The following NFKBIE variants were observed in gnomAD, a reference collection of about 807,000 sequenced individuals.
NFKBIE encodes the protein NFKB inhibitor epsilon.
Under a neutral mutation model 31.6 loss-of-function variants are expected in NFKBIE, and 11 were observed. The observed-to-expected ratio is 0.35, with a 90% confidence interval of 0.22 to 0.58. The LOEUF is 0.58. Among genes scored for constraint, NFKBIE ranks in the 20% least tolerant of loss-of-function variants. The pLI is 0.83. For synonymous variants in NFKBIE, 208 were observed against 210.1 expected (o/e 0.99, Z 0.09); for missense variants, 354 against 465.7 (o/e 0.76, Z 2.21).
At position 44,258,923 on chromosome 6, in the gene NFKBIE, CAA is replaced by C. The variant is rs1029921149; in HGVS notation, c.*294_*295del. ...TCAGGCTGACCCAACATGGGTAAAA[CAA>C]GAGCACCTGCCATTTTCAAGAGAGG... On this transcript the variant is annotated 3_prime_UTR_variant, in exon 6 of 6. Coordinates refer to ENST00000619360, the MANE Select transcript of NFKBIE (RefSeq NM_004556.3). 6.3e-5 allele frequency: 18 copies of C among 285,102 alleles called. No individual in the cohort carries two copies. Among genetic ancestry groups the C allele is most frequent in the East Asian group, 4.3e-4 (6 of 13,980 alleles). 17.7% of individuals were successfully genotyped at this position (285,102 alleles called of 1,614,324 possible).
In NFKBIE at chr6:44,258,534, T is replaced by C. The variant is rs1781763693; in HGVS notation, c.*685A>G. On this transcript the variant is annotated 3_prime_UTR_variant, in exon 6 of 6. Coordinates refer to ENST00000619360, the MANE Select transcript of NFKBIE (RefSeq NM_004556.3). The stretch of plus-strand genomic sequence containing the variant: ...GACACAGAGAAAGGCCTGGAACTAC[T>C]GGCCTCTGACCCCACCCAGCAAGGC... The C allele has an allele frequency of 6.6e-6, 1 of 152,426 alleles. No individual in the cohort carries two copies. Among genetic ancestry groups the C allele is most frequent in the African/African-American group, 2.4e-5 (1 of 41,452 alleles). The allele number at this position is 152,426 out of a possible 1,614,324, so 9.4% of individuals were successfully genotyped here. A position where few individuals can be genotyped will look rare whatever the true frequency, so the allele number is the denominator to read the frequency against.
In NFKBIE at chr6:44,259,020, T is replaced by C; in HGVS notation, c.*199A>G. 2.1e-6 allele frequency: 1 copy of C among 473,424 alleles called. No homozygotes were observed. The allele number at this position is 473,424 out of a possible 1,614,324, so 29.3% of individuals were successfully genotyped here. A position where few individuals can be genotyped will look rare whatever the true frequency, so the allele number is the denominator to read the frequency against. ...AAGAAGCCCTGTCCACCTGGAAAGC[T>C]CTTCCTTCCAGACTGGCTCTCTTCC... On this transcript the variant is annotated 3_prime_UTR_variant, in exon 6 of 6. Transcript: ENST00000619360.
Position 44,261,664 on chromosome 6 carries a change from G to A in NFKBIE, c.653C>T (p.Thr218Ile). 1 of 1,614,222 alleles carries A rather than the reference G, an allele frequency of 6.2e-7. No individual in the cohort carries two copies. The highest frequency in any genetic ancestry group is 8.5e-7 in the Non-Finnish European group (1 of 1,180,032). ...CAGCTGGAGGTCCAGAGAGTGAGATGTTCCTCTGCCTGGCTCTGGCCGCCC... is the reference window on the plus strand; with the variant it reads ...CAGCTGGAGGTCCAGAGAGTGAGATATTCCTCTGCCTGGCTCTGGCCGCCC... ...LEGRPEPGRGTSHSLDLQLQN... is the reference protein window; with the variant it reads ...LEGRPEPGRGISHSLDLQLQN... Residue 218 changes from threonine (T) to isoleucine (I), a missense_variant, in exon 3 of 6, where the codon ACA (threonine) becomes ATA (isoleucine). This residue lies in a region of NFKBIE where 183 missense variants were observed against 310.6 expected (regional missense o/e 0.59). Transcript: ENST00000619360. This position sits in a 1 kb window ranked among gnomAD's most constrained non-coding sequence, Gnocchi z 4.3.
In NFKBIE at chr6:44,261,762, G is replaced by A; in HGVS notation, c.555C>T (p.Asp185=). ...VLKGASRALQ[D]RHGDTALHVA... ...CATGAAGGGCTGTGTCACCATGCCG[G>A]TCCTGTAGTGCCCGGCTGGCCCCCT... Residue 185 remains aspartate, a synonymous_variant, in exon 3 of 6, where the codon GAC becomes GAT. Transcript: ENST00000619360. This position sits in a 1 kb window ranked among gnomAD's most constrained non-coding sequence, Gnocchi z 4.3. 1 of 1,613,942 alleles carries A rather than the reference G, an allele frequency of 6.2e-7. No homozygotes were observed. Among genetic ancestry groups the A allele is most frequent in the South Asian group, 1.1e-5 (1 of 91,074 alleles).
At chr6:44,262,870 G>A (rs1483558611) in intron 1 of NFKBIE, among the ~76,000 whole-genome samples, 3 of 152,224 alleles carry the variant, frequency 2.0e-5, no homozygotes, top group African/African-American at 7.2e-5. Flanking sequence ...CTGGCCTTCA[G>A]GAGGGCCTTG....
chr6:44,258,484 A>C lies in NFKBIE; in HGVS notation c.*735T>G, dbSNP rs1171550798. On this transcript the variant is annotated 3_prime_UTR_variant, in exon 6 of 6. Transcript: ENST00000619360. ...TGTCCCTCCATCCCTCATCATTTCC[A>C]CAGCAAGGACAAGGGTCTGTGCTGG... 1 of 152,062 alleles carries C rather than the reference A, an allele frequency of 6.6e-6. No individual in the cohort carries two copies. Among genetic ancestry groups the C allele is most frequent in the Non-Finnish European group, 1.5e-5 (1 of 68,130 alleles). 9.4% of individuals were successfully genotyped at this position (152,062 alleles called of 1,614,324 possible). A position where few individuals can be genotyped will look rare whatever the true frequency, so the allele number is the denominator to read the frequency against.
Position 44,260,160 on chromosome 6 carries a change from G to A in NFKBIE, c.903C>T (p.Pro301=). 1.9e-6 allele frequency: 3 copies of A among 1,614,212 alleles called. No homozygotes were observed. The highest frequency in any genetic ancestry group is 1.7e-6 in the Non-Finnish European group (2 of 1,180,036). ...VDARMLNGCT[P]LHLAAGRGLM... ...GACCCCGGCCAGCTGCCAGGTGCAGGGGTGTGCACCCGTTCAGCATGCGGG... is the reference window on the plus strand; with the variant it reads ...GACCCCGGCCAGCTGCCAGGTGCAGAGGTGTGCACCCGTTCAGCATGCGGG... Residue 301 remains proline, a synonymous_variant, in exon 5 of 6, where the codon CCC becomes CCT. Coordinates refer to ENST00000619360, the MANE Select transcript of NFKBIE (RefSeq NM_004556.3). The surrounding 1 kb of genome is among the most constrained non-coding windows in gnomAD (Gnocchi z 5.5).
Position 44,259,746 on chromosome 6 carries a change from A to C in NFKBIE, c.1020+297T>G, listed in dbSNP as rs539309042. On this transcript the variant is annotated intron_variant, in intron 5 of 5. Coordinates refer to ENST00000619360, the MANE Select transcript of NFKBIE (RefSeq NM_004556.3). ...ACTCCTGCTTTGTAAGCCTTTGCTGAAGCTGAGTACAGAGACCCTCAGGGA... is the reference window on the plus strand; with the variant it reads ...ACTCCTGCTTTGTAAGCCTTTGCTGCAGCTGAGTACAGAGACCCTCAGGGA... Among the ~76,000 whole-genome samples the C allele has an allele frequency of 5.3e-5, 8 of 152,352 alleles. No individual in the cohort carries two copies. The South Asian group carries it at 1.7e-3, about 32-fold the overall frequency.
Position 44,265,169 on chromosome 6 carries a change from C to T in NFKBIE, c.178G>A (p.Glu60Lys), listed in dbSNP as rs770890708. 23 of 1,551,774 alleles carry T rather than the reference C, an allele frequency of 1.5e-5. No homozygotes were observed. Among genetic ancestry groups the T allele is most frequent in the Non-Finnish European group, 2.0e-5 (23 of 1,147,058 alleles). ...HPPGPVKEPQ[E>K]KEDADGERAD... is the part of the protein sequence containing the mutation. ...CGCTCCCCATCCGCGTCTTCCTTCT[C>T]CTGTGGTTCCTTGACGGGTCCCGGA... Residue 60 changes from glutamate to lysine, a missense_variant, in exon 1 of 6, where the codon GAG becomes AAG. This residue lies in a region of NFKBIE where 171 missense variants were observed against 155.1 expected (regional missense o/e 1.10). Coordinates refer to ENST00000619360, the MANE Select transcript of NFKBIE (RefSeq NM_004556.3).
chr6:44,261,524 A>T lies in NFKBIE; in HGVS notation c.691+102T>A. The T allele has an allele frequency of 8.4e-7, 1 of 1,195,928 alleles. No homozygotes were observed. Among genetic ancestry groups the T allele is most frequent in the East Asian group, 2.5e-5 (1 of 40,500 alleles). 74.1% of individuals were successfully genotyped at this position (1,195,928 alleles called of 1,614,324 possible). A position where few individuals can be genotyped will look rare whatever the true frequency, so the allele number is the denominator to read the frequency against. ...TGTGCTTACAGTGGGAGGGGCACCAATGGACAAGCTGGGACCCTCCCTTCC... is the reference window on the plus strand; with the variant it reads ...TGTGCTTACAGTGGGAGGGGCACCATTGGACAAGCTGGGACCCTCCCTTCC... On this transcript the variant is annotated intron_variant, in intron 3 of 5. Transcript: ENST00000619360. This position sits in a 1 kb window ranked among gnomAD's most constrained non-coding sequence, Gnocchi z 4.3.
chr6:44,264,173 T>C (rs999369646), intron 1 of NFKBIE, among the ~76,000 whole-genome samples: 5 of 152,160 alleles, frequency 3.3e-5, no homozygotes, highest in Non-Finnish European at 4.4e-5. Flanking sequence ...CATCCCCAGT[T>C]CCCAACCTTT....
rs982428159 is a variant in NFKBIE at position 44,261,026 on chromosome 6, A to G, written c.692-487T>C. On this transcript the variant is annotated intron_variant, in intron 3 of 5. Transcript: ENST00000619360. This position sits in a 1 kb window ranked among gnomAD's most constrained non-coding sequence, Gnocchi z 4.3. The stretch of plus-strand genomic sequence containing the variant: ...TTTTGCTCTCCTTTCTAGTCTGGAC[A>G]CTCCCGACCCTTGCTTAGTAATAGA... Among the ~76,000 whole-genome samples the G allele has an allele frequency of 6.6e-6, 1 of 151,786 alleles. No individual in the cohort carries two copies. Among genetic ancestry groups the G allele is most frequent in the Non-Finnish European group, 1.5e-5 (1 of 67,966 alleles).
chr6:44,265,453 G>T lies in NFKBIE; in HGVS notation c.-107C>A. 1 of 1,507,422 alleles carries T rather than the reference G, an allele frequency of 6.6e-7. No homozygotes were observed. The highest frequency in any genetic ancestry group is 2.6e-5 in the East Asian group (1 of 37,886). 93.4% of individuals were successfully genotyped at this position (1,507,422 alleles called of 1,614,324 possible). A position where few individuals can be genotyped will look rare whatever the true frequency, so the allele number is the denominator to read the frequency against. ...GTCCGCTTGGCAGAGCGGGCGCCCG[G>T]CCCGCGGCGGCCTCCTTCCCGGGCT... On this transcript the variant is annotated 5_prime_UTR_variant, in exon 1 of 6. Transcript: ENST00000619360.
Position 44,263,729 on chromosome 6 carries a change from G to A in NFKBIE, c.366-1067C>T, listed in dbSNP as rs1286850673. 6.6e-6 allele frequency among the ~76,000 whole-genome samples: 1 copy of A among 152,020 alleles called. No individual in the cohort carries two copies. Among genetic ancestry groups the A allele is most frequent in the Non-Finnish European group, 1.5e-5 (1 of 68,006 alleles). On this transcript the variant is annotated intron_variant, in intron 1 of 5. Transcript: ENST00000619360. This position sits in a 1 kb window ranked among gnomAD's most constrained non-coding sequence, Gnocchi z 5.0. The stretch of plus-strand genomic sequence containing the variant: ...GCCCAGACACCTCCAACAGAGGGAG[G>A]AAAGTGCCCCCTGCTCTCTGGGGAC...
rs937133654 is a variant in NFKBIE, at chr6:44,261,705, G to A, written c.612C>T (p.Ala204=). Residue 204 remains alanine (A), a synonymous_variant, in exon 3 of 6, where the codon GCC becomes GCT. Transcript: ENST00000619360. This position sits in a 1 kb window ranked among gnomAD's most constrained non-coding sequence, Gnocchi z 4.3. ...CTGGCCGCCCTTCCAGCAGGCAGCG[G>A]GCACAGGCCAAGTGCTGGCGCTGGC... is the stretch of plus-strand genomic sequence containing the variant. ...VACQRQHLAC[A]RCLLEGRPEP... The A allele has an allele frequency of 9.3e-6, 15 of 1,614,216 alleles. No homozygotes were observed. The highest frequency in any genetic ancestry group is 3.3e-4 in the Middle Eastern group (2 of 6,062).
chr6:44,259,167 CG>C lies in NFKBIE; in HGVS notation c.*51del. On this transcript the variant is annotated 3_prime_UTR_variant, in exon 6 of 6. Transcript: ENST00000619360. ...GCCCAAACTGCAGCAGTTATGGCTC[CG>C]GCTTCCAGATGGAGAGGTGGAGCCC... is the stretch of plus-strand genomic sequence containing the variant. 6.3e-7 allele frequency: 1 copy of C among 1,597,878 alleles called. No individual in the cohort carries two copies. The highest frequency in any genetic ancestry group is 8.6e-7 in the Non-Finnish European group (1 of 1,166,560).
rs557221579 is a variant in NFKBIE at position 44,261,199 on chromosome 6, T to G, written c.691+427A>C. ...TCCTTCCTCTCACTCTGCTCTGCTT[T>G]TTACTACAGCACTTACTTCCTTTTA... On this transcript the variant is annotated intron_variant, in intron 3 of 5. Transcript: ENST00000619360. This position sits in a 1 kb window ranked among gnomAD's most constrained non-coding sequence, Gnocchi z 4.3. 2.9e-4 allele frequency among the ~76,000 whole-genome samples: 44 copies of G among 152,340 alleles called. No individual in the cohort carries two copies. The highest frequency in any genetic ancestry group is 9.4e-4 in the African/African-American group (39 of 41,570).
At position 44,260,836 on chromosome 6, in the gene NFKBIE, C is replaced by A. The variant is rs980027806; in HGVS notation, c.692-297G>T. On this transcript the variant is annotated intron_variant, in intron 3 of 5. Transcript: ENST00000619360. This position sits in a 1 kb window ranked among gnomAD's most constrained non-coding sequence, Gnocchi z 5.5. Reference sequence around the variant, plus strand: ...CTATACACAAACTACAACACACACACACACACACACACACACACATACAGA... The same window carrying A: ...CTATACACAAACTACAACACACACAAACACACACACACACACACATACAGA... Among the ~76,000 whole-genome samples, 4 of 80,600 alleles carry A rather than the reference C, an allele frequency of 5.0e-5. No homozygotes were observed. The East Asian group carries it at 1.1e-3, about 22-fold the overall frequency. The allele number at this position is 80,600 out of a possible 152,430, so 52.9% of individuals were successfully genotyped here.
In NFKBIE at chr6:44,265,469, T is replaced by C. The variant is rs1400582067; in HGVS notation, c.-123A>G. 1 of 1,519,108 alleles carries C rather than the reference T, an allele frequency of 6.6e-7. No individual in the cohort carries two copies. Among genetic ancestry groups the C allele is most frequent in the East Asian group, 2.6e-5 (1 of 38,688 alleles). The allele number at this position is 1,519,108 out of a possible 1,614,324, so 94.1% of individuals were successfully genotyped here. ...GGGCGCCCGGCCCGCGGCGGCCTCCTTCCCGGGCTGTGGGGCTCCGAGGGG... is the reference window on the plus strand; with the variant it reads ...GGGCGCCCGGCCCGCGGCGGCCTCCCTCCCGGGCTGTGGGGCTCCGAGGGG... On this transcript the variant is annotated 5_prime_UTR_variant, in exon 1 of 6. Transcript: ENST00000619360.
Sources: allele counts gnomAD v4.1 joint callset (sites outside exome capture counted in the v4.1 genomes callset), GRCh38; gene constraint gnomAD v4.1.1; regional missense constraint gnomAD v4.1.1; non-coding constraint Gnocchi (gnomAD v3.1); transcripts MANE v1.5; gene names NCBI Gene and HGNC (gene_info 2026-07-23, HGNC 2026-07-21).